SLIT3: variants seen among roughly 807,000 people sequenced by gnomAD.
SLIT3 encodes the protein slit homolog 3 protein.
Under a neutral mutation model 184.0 loss-of-function variants are expected in SLIT3, and 68 were observed. That is an observed-to-expected ratio of 0.37 (90% CI 0.30 to 0.45). SLIT3 has a LOEUF of 0.45. Ranked by LOEUF, SLIT3 falls within the 20% of genes least tolerant of loss-of-function variation. The pLI is 1.00. For missense variants in SLIT3, 1,707 were observed against 2,026.0 expected (o/e 0.84, Z 3.02); for synonymous variants, 831 against 828.6 (o/e 1.00, Z -0.05).
chr5:169,089,619 A>G (rs1759492417), intron 4 of SLIT3, among the ~76,000 whole-genome samples: 2 of 152,176 alleles, frequency 1.3e-5, no homozygotes, highest in African/African-American at 4.8e-5. Flanking sequence ...TGGGTTCACC[A>G]GTCACACTGA....
chr5:169,104,661 TG>T (rs1760136895), intron 4 of SLIT3, among the ~76,000 whole-genome samples: 1 of 152,072 alleles, frequency 6.6e-6, no homozygotes, highest in African/African-American at 2.4e-5. Flanking sequence ...TCATGAGCTT[TG>T]GTGATTTTTT....
intron 4 of SLIT3, chr5:169,018,296 G>C (rs561867535): frequency 6.6e-6 from 1 of 152,196 alleles, no homozygotes; most frequent in African/African-American, 2.4e-5. Flanking sequence ...CAAAGCCGGC[G>C]CAAGCCCCTT....
chr5:168,674,293 G>T (rs185463169), intron 32 of SLIT3, among the ~76,000 whole-genome samples: 77 of 152,272 alleles, frequency 5.1e-4, no homozygotes, highest in African/African-American at 1.8e-3. Context: ...GCAAGGATTT[G>T]AACTGAGGTT....
At chr5:169,287,549 A>G (rs149629324) in intron 1 of SLIT3, among the ~76,000 whole-genome samples, 27 of 152,278 alleles carry the variant, frequency 1.8e-4, no homozygotes, top group African/African-American at 6.3e-4. Flanking sequence ...GACCTTTCTA[A>G]TGCATTTCCC....
At chr5:169,123,594 T>C (rs1387000920) in intron 4 of SLIT3, among the ~76,000 whole-genome samples, 4 of 152,208 alleles carry the variant, frequency 2.6e-5, no homozygotes, top group Non-Finnish European at 5.9e-5. Flanking sequence ...GTGCCAAAAC[T>C]GTTGTACCCA....
chr5:169,051,202 G>A (rs1359842172), intron 4 of SLIT3, among the ~76,000 whole-genome samples: 1 of 151,668 alleles, frequency 6.6e-6, no homozygotes. Context: ...TTAGATTCAC[G>A]AAAAATAGGA....
At chr5:169,135,543 C>G (rs913120702) in intron 4 of SLIT3, among the ~76,000 whole-genome samples, 5 of 152,288 alleles carry the variant, frequency 3.3e-5, no homozygotes, top group Admixed American at 2.6e-4. Context: ...AGAAACAATA[C>G]TTACCCTCAC....
At chr5:168,754,176 A>G (rs1286019672) in intron 16 of SLIT3, among the ~76,000 whole-genome samples, 169 bp from the exon 17 acceptor site, 2 of 152,194 alleles carry the variant, frequency 1.3e-5, no homozygotes, top group Non-Finnish European at 2.9e-5. Flanking sequence ...GGTCTTCAGC[A>G]TCTGGCCCAG....
At chr5:169,193,403 C>A in intron 4 of SLIT3, 76 bp downstream of exon 4, 1 of 1,272,334 alleles carries the variant, frequency 7.9e-7, no homozygotes, top group East Asian at 2.3e-5. Context: ...CGGCACGGCG[C>A]TCCACAAACC....
chr5:169,176,885 T>C (rs186822573), intron 4 of SLIT3, among the ~76,000 whole-genome samples: 1 of 152,342 alleles, frequency 6.6e-6, no homozygotes, highest in East Asian at 1.9e-4. Flanking sequence ...CCTCCCTCTT[T>C]CTGCCAGCAC....
At chr5:168,744,495 G>A (rs569072564) in intron 20 of SLIT3, among the ~76,000 whole-genome samples, 1 of 152,306 alleles carries the variant, frequency 6.6e-6, no homozygotes, top group South Asian at 2.1e-4. Context: ...GACTTTCACA[G>A]ATAGAGAGGA....
At chr5:168,933,743 C>T (rs1244562345) in intron 4 of SLIT3, among the ~76,000 whole-genome samples, 1 of 152,120 alleles carries the variant, frequency 6.6e-6, no homozygotes, top group Non-Finnish European at 1.5e-5. Flanking sequence ...CAAGGATAAT[C>T]TTGGTTGAGA....
chr5:169,055,656 T>C (rs887365605), intron 4 of SLIT3, among the ~76,000 whole-genome samples: 11 of 152,040 alleles, frequency 7.2e-5, no homozygotes, highest in African/African-American at 2.2e-4. Context: ...CTGGCCAACA[T>C]GGTGAAACCC....
chr5:168,766,134 G>A (rs1226015886), intron 14 of SLIT3, among the ~76,000 whole-genome samples: 1 of 152,160 alleles, frequency 6.6e-6, no homozygotes, highest in African/African-American at 2.4e-5. Flanking sequence ...TGCCATCAAC[G>A]GTATGCATTT....
At chr5:168,897,646 G>GCGCGCGCGCGCGCGCGCACACA in intron 4 of SLIT3, among the ~76,000 whole-genome samples, 90 of 105,360 alleles carry the variant, frequency 8.5e-4, no homozygotes, top group Non-Finnish European at 1.3e-3. Flanking sequence ...ACAGGTGCAC[G>GCGCGCGCGCGCGCGCGCACACA]TACACACACA....
chr5:168,780,791 T>G (rs1270085696), intron 12 of SLIT3, among the ~76,000 whole-genome samples: 1 of 152,230 alleles, frequency 6.6e-6, no homozygotes, highest in Non-Finnish European at 1.5e-5. Context: ...CTCTCCCACC[T>G]TAGAACATTA....
intron 3 of SLIT3, among the ~76,000 whole-genome samples, chr5:169,222,647 A>C (rs1338709177): frequency 6.6e-6 from 1 of 152,230 alleles, no homozygotes; most frequent in Non-Finnish European, 1.5e-5. Context: ...AAGAAAACTG[A>C]CAAGCTATGC....
intron 4 of SLIT3, among the ~76,000 whole-genome samples, chr5:168,957,290 T>C (rs1267664878): frequency 6.6e-6 from 1 of 151,088 alleles, no homozygotes; most frequent in Non-Finnish European, 1.5e-5. Flanking sequence ...GGTCTTGAAC[T>C]CCTGACCTCA....
intron 4 of SLIT3, among the ~76,000 whole-genome samples, chr5:169,169,046 G>GA (rs1762734944): frequency 6.6e-6 from 1 of 150,376 alleles, no homozygotes; most frequent in South Asian, 2.1e-4. Flanking sequence ...GTGGGGGGGG[G>GA]ATCACCTTTT....
Sources: allele counts gnomAD v4.1 joint callset (sites outside exome capture counted in the v4.1 genomes callset), GRCh38; gene constraint gnomAD v4.1.1; transcripts MANE v1.5; gene names NCBI Gene and HGNC (gene_info 2026-07-23, HGNC 2026-07-21).